Variants in PPP1R37 observed in about 807,000 individuals in gnomAD.
PPP1R37 encodes protein phosphatase 1 regulatory subunit 37, also known as leucine rich repeat containing 68.
PPP1R37 carries 21 observed loss-of-function variants against 61.0 expected under a neutral mutation model. The observed-to-expected ratio is 0.34, with a 90% CI of 0.24 to 0.50. PPP1R37 has a LOEUF of 0.50. PPP1R37 is among the 20% of genes least tolerant of loss of function. The pLI is 0.98. For synonymous variants in PPP1R37, 443 were observed against 433.5 expected, an observed-to-expected ratio of 1.02 and a Z score of -0.27; for missense variants, 910 against 952.7, an observed-to-expected ratio of 0.96 and a Z score of 0.59.
chr19:45,116,691 C>T (rs1407448432), intron 1 of PPP1R37, among the ~76,000 whole-genome samples: 1 of 152,290 alleles, frequency 6.6e-6, no homozygotes, highest in Admixed American at 6.5e-5. Flanking sequence ...CAGAGTGAGT[C>T]GGTGCATTCG....
At position 45,146,665 on chromosome 19, in the gene PPP1R37, G is replaced by A; in HGVS notation, c.*103G>A. The A allele has an allele frequency of 1.8e-6, 1 of 560,640 alleles. No individual in the cohort carries two copies. The highest frequency in any genetic ancestry group is 3.2e-6 in the Non-Finnish European group (1 of 313,484). The allele number at this position is 560,640 out of a possible 1,614,324, so 34.7% of individuals were successfully genotyped here. A position where few individuals can be genotyped will look rare whatever the true frequency, so the allele number is the denominator to read the frequency against. ...GCCTTCCTGAGGCCCAGGATGCCAG[G>A]GGTGGGGGCCATTCTGGGGCCCCCC... is the stretch of plus-strand genomic sequence containing the variant. On this transcript the variant is annotated 3_prime_UTR_variant, in exon 13 of 13. Transcript: ENST00000221462.
At chr19:45,119,011 G>A (rs763507827) in intron 1 of PPP1R37, among the ~76,000 whole-genome samples, 17 of 151,776 alleles carry the variant, frequency 1.1e-4, no homozygotes, top group African/African-American at 1.7e-4. Flanking sequence ...TTTTTGAGAC[G>A]GAGTCTCATT....
rs1182696583 is a variant in PPP1R37, at chr19:45,130,626, CAAAAT to C, written c.203-7885_203-7881del. Among the ~76,000 whole-genome samples, 13 of 152,326 alleles carry C rather than the reference CAAAAT, an allele frequency of 8.5e-5. No individual in the cohort carries two copies. The highest frequency in any genetic ancestry group is 2.4e-4 in the African/African-American group (10 of 41,574). ...CTCCTTTCTGTTCATTCCAAAATAA[CAAAAT>C]AACACCTGCATTGCAAAGCGTGGTT... On this transcript the variant is annotated intron_variant, in intron 1 of 12. Transcript: ENST00000221462. This position sits in a 1 kb window ranked among gnomAD's most constrained non-coding sequence, Gnocchi z 4.4.
intron 1 of PPP1R37, among the ~76,000 whole-genome samples, chr19:45,094,014 G>T (rs10405719): frequency 0.14 from 21,519 of 152,208 alleles, 1,688 homozygotes; most frequent in Non-Finnish European, 0.17. Context: ...TTCTTGGCTG[G>T]AAAGAGGGAG....
intron 1 of PPP1R37, among the ~76,000 whole-genome samples, 180 bp from the exon 2 acceptor site, chr19:45,138,334 C>T (rs113564594): frequency 1.3e-5 from 2 of 152,198 alleles, no homozygotes; most frequent in African/African-American, 4.8e-5. Context: ...CCCAAGGGCA[C>T]TTTACCTCGG....
chr19:45,144,751 G>A (rs1968661871), intron 8 of PPP1R37, 103 bp from the exon 9 acceptor site: 4 of 1,004,682 alleles, frequency 4.0e-6, no homozygotes, highest in South Asian at 1.7e-5. Flanking sequence ...AAGAAAAGGA[G>A]CGCCCGGGCC....
In PPP1R37 at chr19:45,140,725, G is replaced by A. The variant is rs1009004273; in HGVS notation, c.447+119G>A. The A allele has an allele frequency of 3.9e-5, 28 of 714,218 alleles. No homozygotes were observed. The Middle Eastern group carries it at 1.6e-3, about 41-fold the overall frequency. The allele number at this position is 714,218 out of a possible 1,614,324, so 44.2% of individuals were successfully genotyped here. A position where few individuals can be genotyped will look rare whatever the true frequency, so the allele number is the denominator to read the frequency against. ...CCCTAGACAAAGGCTGAGGGGTGGC[G>A]CAAGGGCGGGGCCTCTTGCAGGGCA... On this transcript the variant is annotated intron_variant, in intron 4 of 12. Transcript: ENST00000221462.
chr19:45,138,545 C>T lies in PPP1R37; in HGVS notation c.234C>T (p.Gly78=), dbSNP rs1191822394. ...ATGTGACCGTGGACGAGGTCATCGG[C>T]GCCTACAAGCAGGCCTGCCAGAAGC... ...AQNVTVDEVI[G]AYKQACQKLN... is the part of the protein sequence containing the mutation. The change falls in exon 2 of 13, where the codon GGC becomes GGT. Residue 78 remains glycine, a synonymous_variant. Coordinates refer to ENST00000221462, the MANE Select transcript of PPP1R37 (RefSeq NM_019121.2). 3.9e-6 allele frequency: 6 copies of T among 1,535,788 alleles called. No individual in the cohort carries two copies. The highest frequency in any genetic ancestry group is 1.4e-5 in the African/African-American group (1 of 72,982).
chr19:45,109,282 C>T (rs908345707), intron 1 of PPP1R37, among the ~76,000 whole-genome samples: 10 of 152,174 alleles, frequency 6.6e-5, no homozygotes, highest in Non-Finnish European at 1.0e-4. Context: ...ACTTTCTCCT[C>T]TGCTATTTCA....
At chr19:45,134,197 A>G (rs1010507297) in intron 1 of PPP1R37, among the ~76,000 whole-genome samples, 1 of 151,294 alleles carries the variant, frequency 6.6e-6, no homozygotes, top group African/African-American at 2.4e-5. Flanking sequence ...TTTTGTAGAG[A>G]CTGGCTTTGT....
At chr19:45,097,436 G>T (rs1299691614) in intron 1 of PPP1R37, among the ~76,000 whole-genome samples, 1 of 151,886 alleles carries the variant, frequency 6.6e-6, no homozygotes, top group Non-Finnish European at 1.5e-5. Context: ...CAGCACTGGG[G>T]GCACCCCAGT....
At chr19:45,096,394 A>G (rs1039215387) in intron 1 of PPP1R37, among the ~76,000 whole-genome samples, 1 of 152,140 alleles carries the variant, frequency 6.6e-6, no homozygotes. Flanking sequence ...TTCATTCAGT[A>G]AGCCACTTTT....
rs1053277455 is a variant in PPP1R37 at position 45,130,120 on chromosome 19, C to T, written c.203-8394C>T. 6.6e-6 allele frequency among the ~76,000 whole-genome samples: 1 copy of T among 152,248 alleles called. No homozygotes were observed. The highest frequency in any genetic ancestry group is 2.4e-5 in the African/African-American group (1 of 41,560). ...TTGACTCGCCTGTGTCCCACAACCC[C>T]TCTTGGAGCTGGAGCACTAGCGGGG... On this transcript the variant is annotated intron_variant, in intron 1 of 12. Coordinates refer to ENST00000221462, the MANE Select transcript of PPP1R37 (RefSeq NM_019121.2). This position sits in a 1 kb window ranked among gnomAD's most constrained non-coding sequence, Gnocchi z 4.4.
Position 45,142,105 on chromosome 19 carries a change from G to C in PPP1R37, c.612G>C (p.Leu204=). The change falls in exon 6 of 13, where the codon CTG becomes CTC. Residue 204 remains leucine (L), a synonymous_variant. Coordinates refer to ENST00000221462, the MANE Select transcript of PPP1R37 (RefSeq NM_019121.2). The part of the protein sequence containing the change: ...QYLDARNTPL[L]DHSAPFVARA... ...TGGACGCCCGCAACACGCCCCTGCT[G>C]GACCACTCGGCGCCCTTCGTGGCCC... 2.6e-6 allele frequency: 4 copies of C among 1,533,594 alleles called. No individual in the cohort carries two copies. Among genetic ancestry groups the C allele is most frequent in the Non-Finnish European group, 3.5e-6 (4 of 1,145,890 alleles). The allele number at this position is 1,533,594 out of a possible 1,614,324, so 95.0% of individuals were successfully genotyped here.
chr19:45,138,615 T>C lies in PPP1R37; in HGVS notation c.300+4T>C. The C allele has an allele frequency of 1.5e-6, 1 of 650,032 alleles. No individual in the cohort carries two copies. The highest frequency in any genetic ancestry group is 2.5e-6 in the Non-Finnish European group (1 of 394,448). The allele number at this position is 650,032 out of a possible 1,614,324, so 40.3% of individuals were successfully genotyped here. On this transcript the variant is annotated splice_donor_region_variant and intron_variant, in intron 2 of 12. Transcript: ENST00000221462. The stretch of plus-strand genomic sequence containing the variant: ...CAAGCTCCTCAGGCAGCTGCAGGTA[T>C]GGGCGGGACAGGGTGGGTGCGTCCG...
At chr19:45,128,860 C>T (rs1250954641) in intron 1 of PPP1R37, 3 of 632,460 alleles carry the variant, frequency 4.7e-6, no homozygotes, top group Non-Finnish European at 8.9e-6. Flanking sequence ...CAGGAAGGTA[C>T]CCCTCACTGC....
At chr19:45,137,517 C>A (rs549571166) in intron 1 of PPP1R37, among the ~76,000 whole-genome samples, 1 of 152,204 alleles carries the variant, frequency 6.6e-6, no homozygotes, top group Non-Finnish European at 1.5e-5. Flanking sequence ...GTTTGGGCTA[C>A]GTCCCTTCAT....
intron 1 of PPP1R37, among the ~76,000 whole-genome samples, chr19:45,122,351 C>A (rs10417347): frequency 0.034 from 5,198 of 152,272 alleles, 302 homozygotes; most frequent in African/African-American, 0.12. Flanking sequence ...GGGACTCACA[C>A]CTGTGCTGAC....
chr19:45,100,719 G>T (rs773714524), intron 1 of PPP1R37, among the ~76,000 whole-genome samples: 2 of 152,180 alleles, frequency 1.3e-5, no homozygotes, highest in African/African-American at 2.4e-5. Context: ...TAAAATAGAG[G>T]CAACAGTGCT....
Sources: gnomAD v4.1 joint callset for allele counts (sites outside exome capture counted in the v4.1 genomes callset) on GRCh38, gnomAD v4.1.1 for gene constraint, Gnocchi (gnomAD v3.1) non-coding constraint, MANE v1.5 for transcripts, NCBI Gene and HGNC (gene_info 2026-07-23, HGNC 2026-07-21) for gene names.